The following USP40 variants were observed in gnomAD, a reference collection of about 807,000 sequenced individuals.
USP40 encodes ubiquitin carboxyl-terminal hydrolase 40.
USP40 carries 143 observed loss-of-function variants against 166.2 expected under a neutral mutation model. That is an observed-to-expected ratio of 0.86 (90% confidence interval 0.75 to 0.99). The LOEUF is 0.99. USP40 is among the 50% of genes least tolerant of loss of function. The pLI is 0.00. For synonymous variants in USP40, 498 were observed against 524.0 expected, an observed-to-expected ratio of 0.95 and a Z score of 0.68; for missense variants, 1,444 against 1,479.7, an observed-to-expected ratio of 0.98 and a Z score of 0.40.
intron 24 of USP40, among the ~76,000 whole-genome samples, chr2:233,494,408 C>A (rs560434682): frequency 6.6e-6 from 1 of 152,044 alleles, no homozygotes; most frequent in African/African-American, 2.4e-5. Flanking sequence ...TTTGCCTGTA[C>A]CTGTCATATT....
chr2:233,526,159 G>T (rs554833603), intron 13 of USP40, among the ~76,000 whole-genome samples: 1 of 152,014 alleles, frequency 6.6e-6, no homozygotes, highest in South Asian at 2.1e-4. Context: ...ATACCATAAG[G>T]TATTTTCTTA....
chr2:233,510,328 G>A (rs2066716403), intron 20 of USP40, among the ~76,000 whole-genome samples, 193 bp from the exon 21 acceptor site: 1 of 142,656 alleles, frequency 7.0e-6, no homozygotes, highest in African/African-American at 2.6e-5. Flanking sequence ...AGTATAAATT[G>A]CTTCATCATC....
At chr2:233,536,004 C>A (rs1012239701) in intron 10 of USP40, among the ~76,000 whole-genome samples, 1 of 150,920 alleles carries the variant, frequency 6.6e-6, no homozygotes, top group African/African-American at 2.4e-5. Context: ...ATATATACAA[C>A]TAAAATTTAT....
intron 8 of USP40, 79 bp downstream of exon 8, chr2:233,549,022 T>C (rs554495088): frequency 7.1e-7 from 1 of 1,410,442 alleles, no homozygotes; most frequent in Non-Finnish European, 9.5e-7. Flanking sequence ...TAATAAATGG[T>C]AAACAAAATT....
intron 31 of USP40, 126 bp from the exon 32 acceptor site, chr2:233,477,629 G>A (rs1292615931): frequency 6.1e-6 from 5 of 816,564 alleles, no homozygotes; most frequent in Non-Finnish European, 9.7e-6. Flanking sequence ...CAATTGCACA[G>A]ACAGATCTCA....
intron 25 of USP40, among the ~76,000 whole-genome samples, chr2:233,492,247 A>T (rs2065394031): frequency 6.6e-6 from 1 of 152,206 alleles, no homozygotes. Context: ...GTAGCCTATG[A>T]GCAAGAGGCT....
intron 18 of USP40, 194 bp downstream of exon 18, chr2:233,519,420 C>A: frequency 2.0e-6 from 1 of 488,158 alleles, no homozygotes; most frequent in Non-Finnish European, 3.8e-6. Flanking sequence ...AGGAGGAGAA[C>A]ACAGGGGACT....
intron 17 of USP40, among the ~76,000 whole-genome samples, chr2:233,520,170 A>G (rs940251721): frequency 2.3e-4 from 35 of 152,244 alleles, no homozygotes; most frequent in African/African-American, 7.2e-4. Flanking sequence ...AGTTTAACCT[A>G]ATTTCCTCTA....
At chr2:233,498,778 C>T (rs1363326713) in intron 22 of USP40, among the ~76,000 whole-genome samples, 166 bp from the exon 23 acceptor site, 3 of 152,214 alleles carry the variant, frequency 2.0e-5, no homozygotes, top group African/African-American at 4.8e-5. Context: ...AAGTGTGCTA[C>T]TGAAATCAGA....
chr2:233,527,399 GATATTACCTGAA>G lies in USP40; in HGVS notation c.1721_1725+7del, dbSNP rs776597195. On this transcript the variant is annotated splice_donor_variant and splice_donor_5th_base_variant and coding_sequence_variant and intron_variant, in exon 13 of 32. Coordinates refer to ENST00000678225, the MANE Select transcript of USP40 (RefSeq NM_001365479.2). LOFTEE classifies it high-confidence loss of function. ...TGTCTGAATTAAGAGGAAGTAAGGC[GATATTACCTGAA>G]ATATTGACTGCCGGAGATCTCCTAA... The G allele has an allele frequency of 8.1e-6, 13 of 1,610,886 alleles. No individual in the cohort carries two copies. Among genetic ancestry groups the G allele is most frequent in the Non-Finnish European group, 1.1e-5 (13 of 1,179,146 alleles).
Position 233,515,978 on chromosome 2 carries a change from A to G in USP40, c.2384-3356T>C, listed in dbSNP as rs180861782. ...AAAATACCTTGGCACCTTTGTTGAA[A>G]GTCAATGACTACGCACCTATTTCTA... On this transcript the variant is annotated intron_variant, in intron 18 of 31. Coordinates refer to ENST00000678225, the MANE Select transcript of USP40 (RefSeq NM_001365479.2). Among the ~76,000 whole-genome samples, 244 of 152,344 alleles carry G rather than the reference A, an allele frequency of 1.6e-3. 2 individuals are homozygous for G. The highest frequency in any genetic ancestry group is 2.6e-3 in the Non-Finnish European group (178 of 68,028).
rs370149552 is a variant in USP40, at chr2:233,556,837, A to C, written c.546+18T>G. ...ATTTACAACATAACTTATTACTAAAATACTCTGGCATATTTACCTGCCTCT... is the reference window on the plus strand; with the variant it reads ...ATTTACAACATAACTTATTACTAAACTACTCTGGCATATTTACCTGCCTCT... On this transcript the variant is annotated intron_variant, in intron 5 of 31. Transcript: ENST00000678225. 11 of 1,601,624 alleles carry C rather than the reference A, an allele frequency of 6.9e-6. No homozygotes were observed. The African/African-American group carries it at 1.2e-4, about 18-fold the overall frequency.
At position 233,485,996 on chromosome 2, in the gene USP40, A is replaced by C; in HGVS notation, c.3198-19T>G. On this transcript the variant is annotated intron_variant, in intron 28 of 31. Coordinates refer to ENST00000678225, the MANE Select transcript of USP40 (RefSeq NM_001365479.2). ...CTGGGGGCTGTACCAGAAAACCGTC[A>C]AGCGCCAGATCCAAACAAACAAACA... 1 of 1,552,918 alleles carries C rather than the reference A, an allele frequency of 6.4e-7. No individual in the cohort carries two copies. Among genetic ancestry groups the C allele is most frequent in the Non-Finnish European group, 8.7e-7 (1 of 1,152,398 alleles).
chr2:233,516,035 G>A (rs2067164748), intron 18 of USP40, among the ~76,000 whole-genome samples: 1 of 152,078 alleles, frequency 6.6e-6, no homozygotes, highest in Non-Finnish European at 1.5e-5. Context: ...AATATTTTAG[G>A]CTTCACGGGC....
Position 233,481,190 on chromosome 2 carries a change from C to T in USP40, c.3599+13G>A, listed in dbSNP as rs773033254. On this transcript the variant is annotated intron_variant, in intron 31 of 31. Coordinates refer to ENST00000678225, the MANE Select transcript of USP40 (RefSeq NM_001365479.2). ...TCTGTCAGCTGCACATCTGTGCAGACCCCAGCAATTACCTTTTCCTTCTCC... is the reference window on the plus strand; with the variant it reads ...TCTGTCAGCTGCACATCTGTGCAGATCCCAGCAATTACCTTTTCCTTCTCC... 4.6e-5 allele frequency: 73 copies of T among 1,593,284 alleles called. No individual in the cohort carries two copies. Among genetic ancestry groups the T allele is most frequent in the Non-Finnish European group, 6.2e-5 (73 of 1,168,126 alleles).
intron 21 of USP40, among the ~76,000 whole-genome samples, chr2:233,501,229 TAAA>T (rs1285427202): frequency 6.6e-6 from 1 of 152,102 alleles, no homozygotes; most frequent in Non-Finnish European, 1.5e-5. Context: ...ATAGAGAGCA[TAAA>T]AGCCTTATTT....
chr2:233,539,896 T>C (rs1464666657), intron 10 of USP40, among the ~76,000 whole-genome samples: 1 of 151,796 alleles, frequency 6.6e-6, no homozygotes, highest in East Asian at 1.9e-4. Context: ...AAAAATTAAC[T>C]TGATGGCCAG....
intron 8 of USP40, chr2:233,542,596 T>C (rs778731616): frequency 8.1e-6 from 3 of 371,648 alleles, no homozygotes; most frequent in Non-Finnish European, 1.5e-5. Flanking sequence ...GAGGACTGCT[T>C]GAGCCCAGGA....
Position 233,480,470 on chromosome 2 carries a change from G to A in USP40, c.3599+733C>T, listed in dbSNP as rs530320667. On this transcript the variant is annotated intron_variant, in intron 31 of 31. Coordinates refer to ENST00000678225, the MANE Select transcript of USP40 (RefSeq NM_001365479.2). This position sits in a 1 kb window ranked among gnomAD's most constrained non-coding sequence, Gnocchi z 4.5. Reference sequence around the variant, plus strand: ...GTGGTGGTGGTGAGCTGAGCAGTGCGAACTGAGCCTCACGCCCCAGTTCCG... The same window carrying A: ...GTGGTGGTGGTGAGCTGAGCAGTGCAAACTGAGCCTCACGCCCCAGTTCCG... Among the ~76,000 whole-genome samples the A allele has an allele frequency of 3.5e-4, 54 of 152,360 alleles. No individual in the cohort carries two copies. Among genetic ancestry groups the A allele is most frequent in the Admixed American group, 3.9e-4 (6 of 15,312 alleles).
Sources: allele counts gnomAD v4.1 joint callset (sites outside exome capture counted in the v4.1 genomes callset), GRCh38; gene constraint gnomAD v4.1.1; non-coding constraint Gnocchi (gnomAD v3.1); transcripts MANE v1.5; gene names NCBI Gene and HGNC (gene_info 2026-07-23, HGNC 2026-07-21).